Variants in ZFYVE27 observed in about 807,000 individuals in gnomAD.
ZFYVE27 encodes the protein zinc finger FYVE-type containing 27.
ZFYVE27 carries 36 observed loss-of-function variants against 52.8 expected under a neutral mutation model. That is an observed-to-expected ratio of 0.68 (90% CI 0.52 to 0.90). The LOEUF is 0.90. Among genes scored for constraint, ZFYVE27 ranks in the 40% least tolerant of loss-of-function variants. The pLI, the probability that ZFYVE27 is intolerant of heterozygous loss-of-function variation, is 0.00. For synonymous variants in ZFYVE27, 223 were observed against 215.6 expected, an observed-to-expected ratio of 1.03 and a Z score of -0.30; for missense variants, 450 against 527.2, an observed-to-expected ratio of 0.85 and a Z score of 1.43.
At chr10:97,754,497 T>C (rs2047843549) in intron 10 of ZFYVE27, among the ~76,000 whole-genome samples, 1 of 152,070 alleles carries the variant, frequency 6.6e-6, no homozygotes, top group Non-Finnish European at 1.5e-5. Flanking sequence ...ATTTTTTTTG[T>C]AGAGACAGGG....
At chr10:97,741,526 A>T (rs1487588230) in intron 2 of ZFYVE27, among the ~76,000 whole-genome samples, 2 of 152,202 alleles carry the variant, frequency 1.3e-5, no homozygotes, top group Admixed American at 6.5e-5. Flanking sequence ...AGAAAACCAA[A>T]CACCACATGT....
At chr10:97,750,568 C>T in intron 7 of ZFYVE27, 98 bp downstream of exon 7, 9 of 1,529,046 alleles carry the variant, frequency 5.9e-6, no homozygotes, top group East Asian at 2.3e-5. Flanking sequence ...TGTTGTAGTT[C>T]CTGCTATTTC....
At chr10:97,741,169 G>T (rs1230005664) in intron 2 of ZFYVE27, among the ~76,000 whole-genome samples, 1 of 152,154 alleles carries the variant, frequency 6.6e-6, no homozygotes, top group African/African-American at 2.4e-5. Flanking sequence ...TGGTGGCAGT[G>T]TACATTAGTT....
intron 2 of ZFYVE27, among the ~76,000 whole-genome samples, chr10:97,741,419 A>G (rs2043590900): frequency 6.6e-6 from 1 of 152,248 alleles, no homozygotes; most frequent in South Asian, 2.1e-4. Flanking sequence ...ACACCATGGA[A>G]TACTATGTGC....
intron 6 of ZFYVE27, among the ~76,000 whole-genome samples, chr10:97,749,810 G>A (rs1328304849): frequency 6.6e-6 from 1 of 152,182 alleles, no homozygotes; most frequent in African/African-American, 2.4e-5. Flanking sequence ...ATCTCCCTTC[G>A]CTCCCTTCCC....
chr10:97,748,050 C>A (rs1320341052), intron 4 of ZFYVE27, among the ~76,000 whole-genome samples: 1 of 152,180 alleles, frequency 6.6e-6, no homozygotes, highest in Non-Finnish European at 1.5e-5. Context: ...TATACTGTTT[C>A]CACCTCAGCA....
intron 10 of ZFYVE27, chr10:97,754,613 C>A (rs778658784): frequency 2.0e-5 from 26 of 1,273,354 alleles, no homozygotes; most frequent in Non-Finnish European, 2.7e-5. Flanking sequence ...CCACGCCCGG[C>A]CCCTTTGTTT....
At position 97,742,067 on chromosome 10, in the gene ZFYVE27, T is replaced by C. The variant is rs141925657; in HGVS notation, c.198-1027T>C. ...ATCGCTTGAACCCAGGAGGCGGGGG[T>C]TGTAGTGAACCAAGATTGTGCCACT... On this transcript the variant is annotated intron_variant, in intron 2 of 12. Transcript: ENST00000684270. 3.7e-4 allele frequency among the ~76,000 whole-genome samples: 56 copies of C among 151,168 alleles called. 1 individual carries two copies. In the East Asian group the frequency reaches 8.9e-3, roughly 24 times the overall value.
intron 10 of ZFYVE27, 22 bp from the exon 11 acceptor site, chr10:97,757,243 A>G (rs2048593710): frequency 6.2e-7 from 1 of 1,613,942 alleles, no homozygotes; most frequent in Admixed American, 1.7e-5. Flanking sequence ...GCGGGGGTTG[A>G]GCTGCTGCCT....
At chr10:97,752,758 A>G (rs2047317617) in intron 8 of ZFYVE27, 99 bp from the exon 9 acceptor site, 4 of 1,369,566 alleles carry the variant, frequency 2.9e-6, no homozygotes, top group Non-Finnish European at 3.1e-6. Flanking sequence ...CAGCGCTTCC[A>G]TGCTTCCTTC....
chr10:97,758,626 T>C (rs529315698), intron 12 of ZFYVE27, among the ~76,000 whole-genome samples: 1 of 152,332 alleles, frequency 6.6e-6, no homozygotes, highest in African/African-American at 2.4e-5. Context: ...CCAGCCCAAG[T>C]TCTTTTTTCT....
chr10:97,737,196 C>A lies in ZFYVE27; in HGVS notation c.-127C>A, dbSNP rs2042306190. ...GAGGAGATTTTCGGACCTGCGACTT[C>A]CGAACAACCCTGGCAGGAGGAGCGG... On this transcript the variant is annotated 5_prime_UTR_variant, in exon 1 of 13. Transcript: ENST00000684270. 1 of 152,464 alleles carries A rather than the reference C, an allele frequency of 6.6e-6. No individual in the cohort carries two copies. Among genetic ancestry groups the A allele is most frequent in the Non-Finnish European group, 1.5e-5 (1 of 68,210 alleles). 9.4% of individuals were successfully genotyped at this position (152,464 alleles called of 1,614,324 possible).
At position 97,759,216 on chromosome 10, in the gene ZFYVE27, A is replaced by G. The variant is rs777028977; in HGVS notation, c.1172-20A>G. 5.6e-6 allele frequency: 9 copies of G among 1,614,034 alleles called. No individual in the cohort carries two copies. In the Middle Eastern group the frequency reaches 9.9e-4, roughly 178 times the overall value. ...AAAGGGCGCAAGGAAATGTCTCACC[A>G]AGTTCTTCCTCCTTTTCAGCCCCTG... On this transcript the variant is annotated intron_variant, in intron 12 of 12. Coordinates refer to ENST00000684270, the MANE Select transcript of ZFYVE27 (RefSeq NM_001385875.1).
chr10:97,744,676 C>T lies in ZFYVE27; in HGVS notation c.269-53C>T, dbSNP rs192286134. The T allele has an allele frequency of 1.1e-4, 180 of 1,603,800 alleles. 1 individual carries two copies. The African/African-American group carries it at 2.1e-3, about 19-fold the overall frequency. The stretch of plus-strand genomic sequence containing the variant: ...ACAAGCAGTGGGCGTCTGGGTGGGC[C>T]GACTCCTGGTCTTTGCTTACCTGTG... On this transcript the variant is annotated intron_variant, in intron 3 of 12. Coordinates refer to ENST00000684270, the MANE Select transcript of ZFYVE27 (RefSeq NM_001385875.1).
intron 4 of ZFYVE27, among the ~76,000 whole-genome samples, chr10:97,745,471 G>T (rs576189334): frequency 6.6e-6 from 1 of 152,276 alleles, no homozygotes; most frequent in East Asian, 1.9e-4. Context: ...GAGCCACCAC[G>T]CCTGGCCCTG....
Position 97,738,947 on chromosome 10 carries a change from C to T in ZFYVE27, c.197+273C>T, listed in dbSNP as rs898483845. 34 of 472,146 alleles carry T rather than the reference C, an allele frequency of 7.2e-5. No individual in the cohort carries two copies. The South Asian group carries it at 8.0e-4, about 11-fold the overall frequency. 29.2% of individuals were successfully genotyped at this position (472,146 alleles called of 1,614,324 possible). A position where few individuals can be genotyped will look rare whatever the true frequency, so the allele number is the denominator to read the frequency against. ...TCCTTCCTCTGGACTGCTGGACAACCTTGAACATCACGCCTTCTACAGCTT... is the reference window on the plus strand; with the variant it reads ...TCCTTCCTCTGGACTGCTGGACAACTTTGAACATCACGCCTTCTACAGCTT... On this transcript the variant is annotated intron_variant, in intron 2 of 12. Transcript: ENST00000684270.
intron 10 of ZFYVE27, chr10:97,754,693 G>C: frequency 7.8e-7 from 1 of 1,289,324 alleles, no homozygotes; most frequent in Non-Finnish European, 1.0e-6. Flanking sequence ...CTCCATACTT[G>C]CACATGTGTG....
intron 4 of ZFYVE27, among the ~76,000 whole-genome samples, chr10:97,747,790 A>T (rs747292327): frequency 2.0e-5 from 3 of 152,174 alleles, no homozygotes; most frequent in Non-Finnish European, 2.9e-5. Flanking sequence ...TCAGAAACCC[A>T]GATCTGGGTT....
intron 4 of ZFYVE27, among the ~76,000 whole-genome samples, chr10:97,746,591 CTT>C (rs2045494364): frequency 1.3e-5 from 2 of 152,178 alleles, no homozygotes; most frequent in Non-Finnish European, 2.9e-5. Context: ...AATTAGGAAA[CTT>C]AACGTTGATA....
Sources: allele counts gnomAD v4.1 joint callset (sites outside exome capture counted in the v4.1 genomes callset), GRCh38; gene constraint gnomAD v4.1.1; transcripts MANE v1.5; gene names NCBI Gene and HGNC (gene_info 2026-07-23, HGNC 2026-07-21).